Variants in MYOM1 observed in about 807,000 individuals in gnomAD.
MYOM1 encodes myomesin-1.
In MYOM1, 164 loss-of-function variants were observed where a neutral mutation model predicts 205.3. That is an observed-to-expected ratio of 0.80 (90% confidence interval 0.70 to 0.91). MYOM1 has a LOEUF of 0.91. MYOM1 is among the 40% of genes least tolerant of loss of function. The pLI is 0.00. For synonymous variants in MYOM1, 772 were observed against 789.4 expected, an observed-to-expected ratio of 0.98 and a Z score of 0.37; for missense variants, 2,011 against 2,127.3, an observed-to-expected ratio of 0.95 and a Z score of 1.08.
upstream of MYOM1, among the ~76,000 whole-genome samples, chr18:3,221,551 G>A (rs1425567529): frequency 1.3e-5 from 2 of 152,210 alleles, no homozygotes; most frequent in African/African-American, 2.4e-5. Flanking sequence ...CACACAGCGG[G>A]TAGATGACAG....
At chr18:3,148,021 G>A (rs2080154837) in intron 13 of MYOM1, among the ~76,000 whole-genome samples, 2 of 152,068 alleles carry the variant, frequency 1.3e-5, no homozygotes, top group Non-Finnish European at 2.9e-5. Context: ...GCAAATCAAA[G>A]CCACAAAGAA....
At chr18:3,079,843 A>G (rs2079064137) in intron 33 of MYOM1, among the ~76,000 whole-genome samples, 1 of 152,204 alleles carries the variant, frequency 6.6e-6, no homozygotes, top group South Asian at 2.1e-4. Flanking sequence ...ACAGATAAAT[A>G]TGCACTTGGT....
At chr18:3,174,268 G>T in intron 6 of MYOM1, 60 bp from the exon 7 acceptor site, 4 of 1,443,190 alleles carry the variant, frequency 2.8e-6, no homozygotes, top group East Asian at 2.3e-5. Context: ...ATTACTAGCT[G>T]TTCTATCAAG....
intron 16 of MYOM1, among the ~76,000 whole-genome samples, chr18:3,132,836 A>G (rs922494424): frequency 6.6e-6 from 1 of 152,212 alleles, no homozygotes; most frequent in African/African-American, 2.4e-5. Context: ...TTTCATAGCT[A>G]TTATGGCTAT....
chr18:3,141,831 A>G, intron 14 of MYOM1, 108 bp downstream of exon 14: 1 of 1,372,886 alleles, frequency 7.3e-7, no homozygotes, highest in Non-Finnish European at 1.0e-6. Flanking sequence ...AGATCAGGAC[A>G]TGCTCCCTCC....
At chr18:3,235,462 T>C in the MYOM1 span, among the ~76,000 whole-genome samples, 2 of 152,346 alleles carry the variant, frequency 1.3e-5, no homozygotes, top group Admixed American at 6.5e-5. Context: ...AATGTATGCA[T>C]GGCATCCCAC....
intron 8 of MYOM1, among the ~76,000 whole-genome samples, chr18:3,173,552 C>G (rs66513435): frequency 6.7e-6 from 1 of 149,614 alleles, no homozygotes; most frequent in Admixed American, 6.7e-5. Context: ...TGAGAAAGAG[C>G]GCTTTGATAT....
chr18:3,183,060 G>A (rs928542694), intron 5 of MYOM1, among the ~76,000 whole-genome samples: 3 of 151,782 alleles, frequency 2.0e-5, no homozygotes, highest in Non-Finnish European at 4.4e-5. Flanking sequence ...CTCCCCAGTA[G>A]CTGGGATTAC....
intron 22 of MYOM1, among the ~76,000 whole-genome samples, chr18:3,108,972 T>C (rs1476756810): frequency 1.3e-5 from 2 of 150,260 alleles, no homozygotes; most frequent in African/African-American, 2.4e-5. Flanking sequence ...CCTCAAATTT[T>C]CCTTTTTCTT....
chr18:3,197,865 T>G (rs1009586609), intron 2 of MYOM1, among the ~76,000 whole-genome samples: 5 of 151,688 alleles, frequency 3.3e-5, no homozygotes, highest in Non-Finnish European at 5.9e-5. Context: ...AGAGCGAGAC[T>G]CCATCTCAAA....
chr18:3,080,910 G>A (rs1469410889), intron 33 of MYOM1, among the ~76,000 whole-genome samples: 1 of 152,028 alleles, frequency 6.6e-6, no homozygotes, highest in Non-Finnish European at 1.5e-5. Flanking sequence ...GAGGCAGGTG[G>A]ATCACGAAGT....
chr18:3,133,045 A>C (rs2079900982), intron 16 of MYOM1, among the ~76,000 whole-genome samples: 1 of 151,932 alleles, frequency 6.6e-6, no homozygotes, highest in Non-Finnish European at 1.5e-5. Flanking sequence ...TCGGTGTTCC[A>C]GACACTGAGT....
In MYOM1 at chr18:3,152,452, A is replaced by G. The variant is rs9960004; in HGVS notation, c.1644-559T>C. 0.46 allele frequency among the ~76,000 whole-genome samples: 70,396 copies of G among 152,018 alleles called. 16,600 individuals carry two copies. The highest frequency in any genetic ancestry group is 0.53 in the African/African-American group (21,872 of 41,432). On this transcript the variant is annotated intron_variant, in intron 11 of 37. Coordinates refer to ENST00000356443, the MANE Select transcript of MYOM1 (RefSeq NM_003803.4). This position sits in a 1 kb window ranked among gnomAD's most constrained non-coding sequence, Gnocchi z 4.3. ...GTGAAGATGTTTGTTTCTTTAACAG[A>G]AGAGACTGATGACAGGTGGGGAGAT...
chr18:3,072,350 C>CTTTTTTTTTTT (rs78331937), intron 36 of MYOM1, among the ~76,000 whole-genome samples: 679 of 56,162 alleles, frequency 0.012, 134 homozygotes, highest in East Asian at 0.039. Context: ...CCGCACCCGG[C>CTTTTTTTTTTT]TTTTTTTTTT....
the MYOM1 span, among the ~76,000 whole-genome samples, chr18:3,238,613 GTTTT>G: frequency 6.6e-6 from 1 of 152,170 alleles, no homozygotes; most frequent in Non-Finnish European, 1.5e-5. Context: ...CGGTACATTA[GTTTT>G]TTATTGCTGC....
intron 16 of MYOM1, 24 bp downstream of exon 16, chr18:3,134,626 G>C: frequency 6.3e-7 from 1 of 1,592,460 alleles, no homozygotes; most frequent in Non-Finnish European, 8.6e-7. Flanking sequence ...GCCATTGCCC[G>C]CCCTGCACAC....
chr18:3,119,931 A>G lies in MYOM1; in HGVS notation c.3056T>C (p.Leu1019Pro), dbSNP rs776715426. The change falls in exon 20 of 38, where the codon CTG (leucine) becomes CCG (proline). Residue 1019 changes from leucine to proline, a missense_variant. By Grantham distance (98) the Leu-to-Pro change is moderately conservative. Coordinates refer to ENST00000356443, the MANE Select transcript of MYOM1 (RefSeq NM_003803.4). ...FQVAAMNMAG[L>P]GAPSAVSECF... ...TTCGCTTACTGCGGAGGGCGCGCCCAGCCCAGCCATGTTCATGGCTGCCAC... is the reference window on the plus strand; with the variant it reads ...TTCGCTTACTGCGGAGGGCGCGCCCGGCCCAGCCATGTTCATGGCTGCCAC... 1 of 1,611,662 alleles carries G rather than the reference A, an allele frequency of 6.2e-7. No homozygotes were observed. Among genetic ancestry groups the G allele is most frequent in the African/African-American group, 1.3e-5 (1 of 74,882 alleles).
the MYOM1 span, among the ~76,000 whole-genome samples, chr18:3,242,198 G>A: frequency 2.0e-5 from 3 of 152,092 alleles, no homozygotes; most frequent in Non-Finnish European, 2.9e-5. Context: ...GAGGGGCCAG[G>A]GTGGAAGGAT....
rs747695411 is a variant in MYOM1, at chr18:3,089,164, T to C, written c.4137+10A>G. 6.3e-7 allele frequency: 1 copy of C among 1,587,796 alleles called. No homozygotes were observed. The highest frequency in any genetic ancestry group is 1.1e-5 in the South Asian group (1 of 87,912). ...TTGAATCAAATATTAAAAATTTATC[T>C]ACCTCTTACCTTGCATTTCAATAGT... On this transcript the variant is annotated intron_variant, in intron 29 of 37. Transcript: ENST00000356443.
Sources: allele counts gnomAD v4.1 joint callset (sites outside exome capture counted in the v4.1 genomes callset), GRCh38; gene constraint gnomAD v4.1.1; non-coding constraint Gnocchi (gnomAD v3.1); transcripts MANE v1.5; gene names NCBI Gene and HGNC (gene_info 2026-07-23, HGNC 2026-07-21).